Variants in SMC1B observed in about 807,000 individuals in gnomAD.
The protein encoded by SMC1B is structural maintenance of chromosomes 1B.
In SMC1B, 60 loss-of-function variants were observed where a neutral mutation model predicts 157.9. The ratio of observed to expected loss-of-function variants is 0.38; its 90% CI spans 0.31 to 0.47. SMC1B has a LOEUF of 0.47. SMC1B is among the 20% of genes least tolerant of loss of function. The pLI is 0.99. For missense variants in SMC1B, 1,165 were observed against 1,426.2 expected (o/e 0.82, Z 2.95); for synonymous variants, 445 against 483.0 (o/e 0.92, Z 1.03).
At chr22:45,390,445 C>T (rs1358687067) in intron 9 of SMC1B, among the ~76,000 whole-genome samples, 4 of 152,036 alleles carry the variant, frequency 2.6e-5, no homozygotes, top group Admixed American at 1.3e-4. Context: ...TGGTGGCTCA[C>T]GCCTGTAATC....
intron 1 of SMC1B, among the ~76,000 whole-genome samples, chr22:45,410,091 G>A (rs1287271490): frequency 1.3e-5 from 2 of 152,344 alleles, no homozygotes; most frequent in African/African-American, 4.8e-5. Flanking sequence ...CAATGGGTAA[G>A]GACTTGGAAT....
At chr22:45,351,079 C>T (rs1241400625) in intron 22 of SMC1B, among the ~76,000 whole-genome samples, 2 of 152,146 alleles carry the variant, frequency 1.3e-5, no homozygotes, top group African/African-American at 4.8e-5. Flanking sequence ...TCAAATAGAC[C>T]TTCCCAGATG....
In SMC1B at chr22:45,372,140, G is replaced by C. The variant is rs1171871948; in HGVS notation, c.2196+15C>G. On this transcript the variant is annotated intron_variant, in intron 13 of 24. Transcript: ENST00000357450. ...GGGTCAAATGCCTATCATATTTTAT[G>C]TAAGTCTATATTACCTGGTAAAAAG... The C allele has an allele frequency of 2.5e-6, 4 of 1,577,092 alleles. No homozygotes were observed. The highest frequency in any genetic ancestry group is 3.8e-5 in the Admixed American group (2 of 52,816).
At chr22:45,353,900 A>AAAAAAAAAAAAAAAC in intron 21 of SMC1B, 78 bp downstream of exon 21, 1 of 566,144 alleles carries the variant, frequency 1.8e-6, no homozygotes. Context: ...CACCAAAAAA[A>AAAAAAAAAAAAAAAC]AAAAAAAAAA....
intron 12 of SMC1B, among the ~76,000 whole-genome samples, chr22:45,377,759 C>T (rs1309958866): frequency 6.6e-6 from 1 of 151,998 alleles, no homozygotes; most frequent in East Asian, 1.9e-4. Flanking sequence ...TGGTCTCGAA[C>T]TCCTGGGCTC....
At chr22:45,400,689 C>A (rs773099816) in intron 5 of SMC1B, among the ~76,000 whole-genome samples, 2 of 152,106 alleles carry the variant, frequency 1.3e-5, no homozygotes, top group Non-Finnish European at 2.9e-5. Context: ...GAAAAAATAA[C>A]CTCACAGAGG....
chr22:45,412,571 T>G (rs1985587), intron 1 of SMC1B, among the ~76,000 whole-genome samples: 1 of 140,452 alleles, frequency 7.1e-6, no homozygotes, highest in Non-Finnish European at 1.5e-5. Context: ...CAATGGCGTG[T>G]CCTTGGCTCA....
chr22:45,409,436 G>C (rs1016280599), intron 1 of SMC1B, among the ~76,000 whole-genome samples: 4 of 151,996 alleles, frequency 2.6e-5, no homozygotes, highest in Admixed American at 2.6e-4. Context: ...TTGGTGGCAC[G>C]CACCTGTAGT....
At chr22:45,410,143 C>A (rs2087314917) in intron 1 of SMC1B, among the ~76,000 whole-genome samples, 2 of 152,216 alleles carry the variant, frequency 1.3e-5, no homozygotes, top group Non-Finnish European at 2.9e-5. Flanking sequence ...TATATCCTTT[C>A]CCTTTGCTGA....
chr22:45,400,033 A>G (rs2087174163), intron 5 of SMC1B, among the ~76,000 whole-genome samples: 1 of 152,228 alleles, frequency 6.6e-6, no homozygotes, highest in Admixed American at 6.5e-5. Context: ...GGAGACATCA[A>G]TATGAACTCA....
At position 45,387,062 on chromosome 22, in the gene SMC1B, A is replaced by G. The variant is rs1243413722; in HGVS notation, c.1732-16T>C. On this transcript the variant is annotated splice_polypyrimidine_tract_variant and intron_variant, in intron 10 of 24. Transcript: ENST00000357450. ...TTGGCTTGATCTAAAGGGTTTTAAA[A>G]TATTTAACATGTTACATACACTGAA... 1 of 1,590,830 alleles carries G rather than the reference A, an allele frequency of 6.3e-7. No homozygotes were observed. Among genetic ancestry groups the G allele is most frequent in the Admixed American group, 1.7e-5 (1 of 58,370 alleles).
chr22:45,385,108 A>G (rs1408983732), intron 11 of SMC1B, among the ~76,000 whole-genome samples: 1 of 152,156 alleles, frequency 6.6e-6, no homozygotes, highest in East Asian at 1.9e-4. Flanking sequence ...GGTTAAGTGG[A>G]ACAGATAGAA....
chr22:45,365,169 C>T (rs184171917), intron 15 of SMC1B, among the ~76,000 whole-genome samples: 3 of 152,072 alleles, frequency 2.0e-5, no homozygotes, highest in South Asian at 2.1e-4. Flanking sequence ...ACATTCATTC[C>T]GTTGTTGCTC....
At chr22:45,381,826 T>A (rs965116986) in intron 12 of SMC1B, among the ~76,000 whole-genome samples, 4 of 152,224 alleles carry the variant, frequency 2.6e-5, no homozygotes, top group Non-Finnish European at 5.9e-5. Context: ...TAAAATGTAG[T>A]CTTATGCTTC....
chr22:45,398,698 G>A (rs1027207935), intron 6 of SMC1B, among the ~76,000 whole-genome samples: 50 of 152,002 alleles, frequency 3.3e-4, no homozygotes, highest in African/African-American at 1.1e-3. Context: ...GCATGGTGGC[G>A]CATGCCTGTA....
At chr22:45,394,500 G>A (rs1252818198) in intron 8 of SMC1B, among the ~76,000 whole-genome samples, 185 bp downstream of exon 8, 1 of 152,098 alleles carries the variant, frequency 6.6e-6, no homozygotes, top group East Asian at 1.9e-4. Flanking sequence ...AATTAGCTGG[G>A]TGTGGTGGCA....
At chr22:45,394,561 C>T (rs1389271629) in intron 8 of SMC1B, 124 bp downstream of exon 8, 13 of 1,175,888 alleles carry the variant, frequency 1.1e-5, no homozygotes, top group East Asian at 3.5e-5. Context: ...ATGTGAGCCC[C>T]GGAAGTTGAG....
chr22:45,412,755 C>G (rs1397404237), intron 1 of SMC1B, among the ~76,000 whole-genome samples: 5 of 152,154 alleles, frequency 3.3e-5, no homozygotes, highest in Non-Finnish European at 7.4e-5. Flanking sequence ...ATGGGGAGAG[C>G]AGCCATGCGC....
intron 12 of SMC1B, 132 bp from the exon 13 acceptor site, chr22:45,372,424 A>G (rs1429668012): frequency 5.6e-6 from 4 of 718,674 alleles, no homozygotes; most frequent in Non-Finnish European, 8.7e-6. Flanking sequence ...CTTTCCTCTG[A>G]TAAGAGACTG....
Sources: allele counts gnomAD v4.1 joint callset (sites outside exome capture counted in the v4.1 genomes callset), GRCh38; gene constraint gnomAD v4.1.1; transcripts MANE v1.5; gene names NCBI Gene and HGNC (gene_info 2026-07-23, HGNC 2026-07-21).